The following PRPF40B variants were observed in gnomAD, a reference collection of about 807,000 sequenced individuals.
The protein encoded by PRPF40B is pre-mRNA processing factor 40B.
PRPF40B carries 56 observed loss-of-function variants against 124.5 expected under a neutral mutation model. That is an observed-to-expected ratio of 0.45 (90% confidence interval 0.36 to 0.56). The LOEUF (loss-of-function observed/expected upper bound fraction) is 0.56. PRPF40B is among the 20% of genes least tolerant of loss of function. The pLI is 0.00. For missense variants in PRPF40B, 1,053 were observed against 1,169.5 expected, an observed-to-expected ratio of 0.90 and a Z score of 1.45; for synonymous variants, 443 against 426.4, an observed-to-expected ratio of 1.04 and a Z score of -0.48.
rs746740779 is a variant in PRPF40B, at chr12:49,636,742, T to C, written c.1453T>C (p.Cys485Arg). 3 of 1,614,080 alleles carry C rather than the reference T, an allele frequency of 1.9e-6. No homozygotes were observed. Among genetic ancestry groups the C allele is most frequent in the Non-Finnish European group, 2.5e-6 (3 of 1,180,040 alleles). Residue 485 changes from cysteine to arginine, a missense_variant, in exon 16 of 26, where the codon TGT (cysteine) becomes CGT (arginine). Around this residue, in one of 2 missense-constraint regions of PRPF40B, gnomAD observed 895 missense variants for 1,052.2 expected, o/e 0.85. Coordinates refer to ENST00000548825, the MANE Select transcript of PRPF40B (RefSeq NM_001031698.3). ...CATGGACAAGGAAGATGCACTGATC[T>C]GTTTTGAGGAGCACATCCGAGCTTT... ...QNMDKEDALI[C>R]FEEHIRALER...
Position 49,642,473 on chromosome 12 carries a change from T to A in PRPF40B, c.2022+101T>A. On this transcript the variant is annotated intron_variant, in intron 20 of 25. Coordinates refer to ENST00000548825, the MANE Select transcript of PRPF40B (RefSeq NM_001031698.3). The surrounding 1 kb of genome is among the most constrained non-coding windows in gnomAD (Gnocchi z 5.8). ...AGTCACGTCACAGCCCTGGGCCAGCTCCAGTTCCCTTCCTTTCTCTGCCCC... is the reference window on the plus strand; with the variant it reads ...AGTCACGTCACAGCCCTGGGCCAGCACCAGTTCCCTTCCTTTCTCTGCCCC... The A allele has an allele frequency of 6.4e-7, 1 of 1,572,972 alleles. No individual in the cohort carries two copies. The highest frequency in any genetic ancestry group is 8.7e-7 in the Non-Finnish European group (1 of 1,145,638).
At position 49,642,959 on chromosome 12, in the gene PRPF40B, C is replaced by T. The variant is rs774031872; in HGVS notation, c.2148C>T (p.Gly716=). Residue 716 remains glycine, a synonymous_variant, in exon 22 of 26, where the codon GGC becomes GGT. Coordinates refer to ENST00000548825, the MANE Select transcript of PRPF40B (RefSeq NM_001031698.3). This position sits in a 1 kb window ranked among gnomAD's most constrained non-coding sequence, Gnocchi z 5.8. ...ETECQHLHTK[G]RKHGRKGKKH... ...AATGCCAGCACCTCCACACCAAAGG[C>T]CGAAAGCATGGCAGGAAAGGCAAGA... 1 of 1,613,810 alleles carries T rather than the reference C, an allele frequency of 6.2e-7. No homozygotes were observed. Among genetic ancestry groups the T allele is most frequent in the Admixed American group, 1.7e-5 (1 of 59,988 alleles).
chr12:49,636,943 G>C lies in PRPF40B; in HGVS notation c.1560+94G>C, dbSNP rs1025037127. The C allele has an allele frequency of 6.4e-6, 10 of 1,570,292 alleles. No homozygotes were observed. In the Admixed American group the frequency reaches 1.7e-4, roughly 27 times the overall value. ...CTGCCCCCTTCTGGATACGCTGCCT[G>C]TTCTTTCTGTGCCTAGCCCTGTCCA... On this transcript the variant is annotated intron_variant, in intron 16 of 25. Transcript: ENST00000548825.
In PRPF40B at chr12:49,641,895, G is replaced by A. The variant is rs1157535927; in HGVS notation, c.1768-13G>A. The A allele has an allele frequency of 1.2e-6, 2 of 1,611,270 alleles. No individual in the cohort carries two copies. The highest frequency in any genetic ancestry group is 1.3e-5 in the African/African-American group (1 of 75,016). On this transcript the variant is annotated splice_polypyrimidine_tract_variant and intron_variant, in intron 18 of 25. Coordinates refer to ENST00000548825, the MANE Select transcript of PRPF40B (RefSeq NM_001031698.3). ...ACGTGGTGCCCCTGCTTCATGCACT[G>A]CTGTACCCACAGGACCGGGGCTTCT...
Position 49,643,035 on chromosome 12 carries a change from G to A in PRPF40B, c.2205+19G>A. The A allele has an allele frequency of 2.5e-6, 4 of 1,612,212 alleles. No individual in the cohort carries two copies. The highest frequency in any genetic ancestry group is 2.2e-5 in the South Asian group (2 of 90,900). On this transcript the variant is annotated intron_variant, in intron 22 of 25. Transcript: ENST00000548825. ...ACCCTCAGTGAGTAAGCGTGTAGAA[G>A]GGACATGGGGTGAAGCTGGGTTGTT...
intron 1 of PRPF40B, among the ~76,000 whole-genome samples, chr12:49,625,584 G>T (rs12582136): frequency 6.6e-6 from 1 of 152,066 alleles, no homozygotes; most frequent in Admixed American, 6.6e-5. Flanking sequence ...ATGCCCCTTA[G>T]ATGTGAAGTC....
intron 24 of PRPF40B, 48 bp downstream of exon 24, chr12:49,643,800 G>A: frequency 6.2e-7 from 1 of 1,613,888 alleles, no homozygotes; most frequent in South Asian, 1.1e-5. Flanking sequence ...TGTGAGTTCT[G>A]TTCTACCTGC....
chr12:49,637,405 C>A, intron 16 of PRPF40B, 65 bp from the exon 17 acceptor site: 2 of 1,107,926 alleles, frequency 1.8e-6, no homozygotes, highest in Non-Finnish European at 2.7e-6. Flanking sequence ...TCCCTCTCTT[C>A]CCCCTCAGTC....
At chr12:49,633,861 C>T in intron 9 of PRPF40B, 25 bp from the exon 10 acceptor site, 2 of 1,613,282 alleles carry the variant, frequency 1.2e-6, no homozygotes, top group Non-Finnish European at 8.5e-7. Context: ...TCCTCCTGGA[C>T]ACCGCCCTTC....
At position 49,641,549 on chromosome 12, in the gene PRPF40B, G is replaced by A. The variant is rs142837563; in HGVS notation, c.1768-359G>A. ...AAATAGACCCAAAGGGTAGGGGCCA[G>A]CAAATGTTGATTGAGAATGCATGGA... is the stretch of plus-strand genomic sequence containing the variant. On this transcript the variant is annotated intron_variant, in intron 18 of 25. Coordinates refer to ENST00000548825, the MANE Select transcript of PRPF40B (RefSeq NM_001031698.3). 269 of 273,612 alleles carry A rather than the reference G, an allele frequency of 9.8e-4. 1 individual carries two copies. Among genetic ancestry groups the A allele is most frequent in the African/African-American group, 5.4e-3 (250 of 45,928 alleles). 16.9% of individuals were successfully genotyped at this position (273,612 alleles called of 1,614,324 possible).
rs757367046 is a variant in PRPF40B at position 49,635,257 on chromosome 12, G to A, written c.1160G>A (p.Arg387His). 9 of 1,612,736 alleles carry A rather than the reference G, an allele frequency of 5.6e-6. No individual in the cohort carries two copies. The highest frequency in any genetic ancestry group is 6.8e-6 in the Non-Finnish European group (8 of 1,179,380). ...EQHERMTSTT[R>H]YRRAEQTFGE... The stretch of plus-strand genomic sequence containing the variant: ...CATGAACGCATGACCTCCACCACCC[G>A]CTACCGGTCAGGGGGCCAGGCTGGG... The change falls in exon 13 of 26, where the codon CGC becomes CAC. Residue 387 changes from arginine to histidine, a missense_variant. Physicochemically the swap from Arg to His is conservative, Grantham distance 29 (BLOSUM62 0). Around this residue, in one of 2 missense-constraint regions of PRPF40B, gnomAD observed 895 missense variants for 1,052.2 expected, o/e 0.85. Coordinates refer to ENST00000548825, the MANE Select transcript of PRPF40B (RefSeq NM_001031698.3). This position sits in a 1 kb window ranked among gnomAD's most constrained non-coding sequence, Gnocchi z 4.1.
Position 49,631,695 on chromosome 12 carries a change from A to AAC in PRPF40B, c.228+152_228+153dup. 1 of 1,287,666 alleles carries AAC rather than the reference A, an allele frequency of 7.8e-7. No homozygotes were observed. Among genetic ancestry groups the AAC allele is most frequent in the South Asian group, 1.3e-5 (1 of 76,986 alleles). The allele number at this position is 1,287,666 out of a possible 1,614,324, so 79.8% of individuals were successfully genotyped here. On this transcript the variant is annotated intron_variant, in intron 3 of 25. Transcript: ENST00000548825. The surrounding 1 kb of genome is among the most constrained non-coding windows in gnomAD (Gnocchi z 4.3). The stretch of plus-strand genomic sequence containing the variant: ...GATTTGTCTGCTGAATGACTGAGAC[A>AAC]ACTCTCAGGCAAGGTGAGAGGCCAG...
rs752257047 is a variant in PRPF40B at position 49,634,524 on chromosome 12, C to A, written c.937-14C>A. 1 of 1,614,228 alleles carries A rather than the reference C, an allele frequency of 6.2e-7. No individual in the cohort carries two copies. The highest frequency in any genetic ancestry group is 1.1e-5 in the South Asian group (1 of 91,088). ...GCGGGGCAGGCCCCATGACTCCCAC[C>A]TGCTTCATTCCAGGCTGTCCCCTCC... On this transcript the variant is annotated splice_polypyrimidine_tract_variant and intron_variant, in intron 11 of 25. Coordinates refer to ENST00000548825, the MANE Select transcript of PRPF40B (RefSeq NM_001031698.3).
Position 49,644,637 on chromosome 12 carries a change from G to A in PRPF40B, c.*445G>A, listed in dbSNP as rs921610484. On this transcript the variant is annotated 3_prime_UTR_variant, in exon 26 of 26. Transcript: ENST00000548825. ...CTAATGTACGTGTGTTTTGTTTTTT[G>A]TTTTTTAAATAACAATATTTATAAC... 5.4e-6 allele frequency: 1 copy of A among 185,858 alleles called. No homozygotes were observed. The highest frequency in any genetic ancestry group is 2.3e-5 in the African/African-American group (1 of 42,680). The allele number at this position is 185,858 out of a possible 1,614,324, so 11.5% of individuals were successfully genotyped here.
intron 9 of PRPF40B, 87 bp downstream of exon 9, chr12:49,633,748 G>A (rs1941473001): frequency 6.2e-7 from 1 of 1,608,544 alleles, no homozygotes; most frequent in Non-Finnish European, 8.5e-7. Context: ...TACACTGTGG[G>A]AGGAAGAGCC....
Position 49,637,761 on chromosome 12 carries a change from C to T in PRPF40B, c.1704C>T (p.Phe568=). 6.6e-7 allele frequency: 1 copy of T among 1,510,738 alleles called. No individual in the cohort carries two copies. The highest frequency in any genetic ancestry group is 9.0e-7 in the Non-Finnish European group (1 of 1,111,318). 93.6% of individuals were successfully genotyped at this position (1,510,738 alleles called of 1,614,324 possible). A position where few individuals can be genotyped will look rare whatever the true frequency, so the allele number is the denominator to read the frequency against. ...PGSTPLDLFK[F]YVEELKARFH... is the part of the protein sequence containing the mutation. ...CCACCCCTCTGGACTTATTCAAGTT[C>T]TATGTGGAGGAGTTGAAGGCACGAT... Residue 568 remains phenylalanine (F), a synonymous_variant, in exon 18 of 26, where the codon TTC becomes TTT. Coordinates refer to ENST00000548825, the MANE Select transcript of PRPF40B (RefSeq NM_001031698.3).
rs745362398 is a variant in PRPF40B at position 49,644,202 on chromosome 12, C to T, written c.*10C>T. On this transcript the variant is annotated 3_prime_UTR_variant, in exon 26 of 26. Transcript: ENST00000548825. Reference sequence around the variant, plus strand: ...GGATGATCACCAGTGACCCAATGAGCTGTTCTCTGCCTCGGGTCTGTGTGA... The same window carrying T: ...GGATGATCACCAGTGACCCAATGAGTTGTTCTCTGCCTCGGGTCTGTGTGA... The T allele has an allele frequency of 6.2e-7, 1 of 1,613,964 alleles. No individual in the cohort carries two copies. Among genetic ancestry groups the T allele is most frequent in the South Asian group, 1.1e-5 (1 of 91,088 alleles).
chr12:49,632,591 G>T lies in PRPF40B; in HGVS notation c.295-5G>T. The stretch of plus-strand genomic sequence containing the variant: ...CAACCCTTCCCCCTCCTCTTTCTTC[G>T]GCAGACGGCTCCGGGTGCGGACACC... On this transcript the variant is annotated splice_region_variant and splice_polypyrimidine_tract_variant and intron_variant, in intron 4 of 25. Transcript: ENST00000548825. 1 of 1,613,632 alleles carries T rather than the reference G, an allele frequency of 6.2e-7. No homozygotes were observed. The highest frequency in any genetic ancestry group is 8.5e-7 in the Non-Finnish European group (1 of 1,179,888).
At chr12:49,623,489 C>A, upstream of PRPF40B, 4 of 1,196,264 alleles carry the variant, frequency 3.3e-6, no homozygotes. Flanking sequence ...CGAAGGGGTG[C>A]GACCCCCCGC....
Sources: allele counts gnomAD v4.1 joint callset (sites outside exome capture counted in the v4.1 genomes callset), GRCh38; gene constraint gnomAD v4.1.1; regional missense constraint gnomAD v4.1.1; non-coding constraint Gnocchi (gnomAD v3.1); transcripts MANE v1.5; gene names NCBI Gene and HGNC (gene_info 2026-07-23, HGNC 2026-07-21).